Variants in CCNJL observed in about 807,000 individuals in gnomAD.
The protein encoded by CCNJL is cyclin J like.
CCNJL carries 33 observed loss-of-function variants against 33.4 expected under a neutral mutation model. That is an observed-to-expected ratio of 0.99 (90% CI 0.75 to 1.32). The LOEUF is 1.32. Ranked by LOEUF, CCNJL falls within the 40% of genes most tolerant of loss-of-function variation. The pLI is 0.00. For synonymous variants in CCNJL, 227 were observed against 220.9 expected, an observed-to-expected ratio of 1.03 and a Z score of -0.24; for missense variants, 512 against 499.7, an observed-to-expected ratio of 1.02 and a Z score of -0.23.
In CCNJL at chr5:160,251,769, G is replaced by A. The variant is rs553783154; in HGVS notation, c.*1609C>T. 147 of 152,210 alleles carry A rather than the reference G, an allele frequency of 9.7e-4. No individual in the cohort carries two copies. The highest frequency in any genetic ancestry group is 3.4e-3 in the African/African-American group (141 of 41,522). The allele number at this position is 152,210 out of a possible 1,614,324, so 9.4% of individuals were successfully genotyped here. A position where few individuals can be genotyped will look rare whatever the true frequency, so the allele number is the denominator to read the frequency against. ...CCAGAACAGACAGATACAAGAACTTGAATCCAAACTGCTTGCACATAAATA... is the reference window on the plus strand; with the variant it reads ...CCAGAACAGACAGATACAAGAACTTAAATCCAAACTGCTTGCACATAAATA... On this transcript the variant is annotated 3_prime_UTR_variant, in exon 6 of 6. Coordinates refer to ENST00000257536, the MANE Select transcript of CCNJL (RefSeq NM_001308173.3).
intron 2 of CCNJL, among the ~76,000 whole-genome samples, chr5:160,284,715 T>C (rs186533253): frequency 6.6e-6 from 1 of 152,352 alleles, no homozygotes; most frequent in African/African-American, 2.4e-5. Flanking sequence ...TCCTAGAGCT[T>C]TGCTCATGGA....
chr5:160,295,474 C>T (rs1012344267), intron 2 of CCNJL, among the ~76,000 whole-genome samples: 4 of 152,062 alleles, frequency 2.6e-5, no homozygotes, highest in African/African-American at 4.8e-5. Context: ...GGCGACAGAG[C>T]GAGACTCTGT....
chr5:160,268,147 C>T (rs10059499), intron 3 of CCNJL, among the ~76,000 whole-genome samples: 15,723 of 152,232 alleles, frequency 0.1, 1,128 homozygotes, highest in South Asian at 0.24. Context: ...ACTGCTCATA[C>T]GCCCAGCAGA....
chr5:160,258,275 C>G (rs1561771509), intron 4 of CCNJL: 1 of 714,570 alleles, frequency 1.4e-6, no homozygotes, highest in Non-Finnish European at 2.6e-6. Flanking sequence ...AAGGCTGTTG[C>G]AGCATCAGGC....
At chr5:160,331,138 T>G (rs1399988273) in intron 1 of CCNJL, among the ~76,000 whole-genome samples, 3 of 152,034 alleles carry the variant, frequency 2.0e-5, no homozygotes, top group African/African-American at 7.2e-5. Context: ...ACTTATCACT[T>G]GCCATCTTTC....
chr5:160,318,018 T>C (rs954361086), intron 1 of CCNJL, among the ~76,000 whole-genome samples: 1 of 150,916 alleles, frequency 6.6e-6, no homozygotes, highest in Non-Finnish European at 1.5e-5. Flanking sequence ...TCTTCTTCTT[T>C]TTTTGTTTTT....
At chr5:160,318,337 C>T (rs1262940046) in intron 1 of CCNJL, among the ~76,000 whole-genome samples, 1 of 152,120 alleles carries the variant, frequency 6.6e-6, no homozygotes, top group Non-Finnish European at 1.5e-5. Context: ...ACAAGGACAC[C>T]GGTCATATTG....
intron 3 of CCNJL, among the ~76,000 whole-genome samples, chr5:160,271,299 C>T (rs1761825374): frequency 6.6e-6 from 1 of 152,058 alleles, no homozygotes; most frequent in South Asian, 2.1e-4. Flanking sequence ...CTCCTGAACA[C>T]CGCATGTTCA....
intron 2 of CCNJL, among the ~76,000 whole-genome samples, chr5:160,294,259 G>A (rs556505041): frequency 1.4e-4 from 21 of 152,312 alleles, no homozygotes; most frequent in Non-Finnish European, 2.6e-4. Context: ...AGCATTTTCC[G>A]TAAAGCATCA....
chr5:160,264,659 A>G (rs1388974437), intron 3 of CCNJL, among the ~76,000 whole-genome samples: 3 of 152,028 alleles, frequency 2.0e-5, no homozygotes, highest in Non-Finnish European at 4.4e-5. Flanking sequence ...AGCCATCACC[A>G]CCATCCCTCT....
intron 1 of CCNJL, among the ~76,000 whole-genome samples, chr5:160,318,001 T>G (rs1275012428): frequency 6.6e-6 from 1 of 151,804 alleles, no homozygotes; most frequent in African/African-American, 2.4e-5. Context: ...TCACGTAGTC[T>G]TCTTTTTCTT....
intron 2 of CCNJL, among the ~76,000 whole-genome samples, chr5:160,310,886 C>A (rs1294675498): frequency 6.6e-6 from 1 of 152,172 alleles, no homozygotes; most frequent in Non-Finnish European, 1.5e-5. Flanking sequence ...TTCTCTAGAG[C>A]CTTTTGAGAG....
chr5:160,264,094 C>G (rs901295525), intron 3 of CCNJL, among the ~76,000 whole-genome samples: 4 of 152,048 alleles, frequency 2.6e-5, no homozygotes, highest in Non-Finnish European at 1.5e-5. Context: ...TATAGGCACA[C>G]GCCACCACAC....
At chr5:160,260,444 G>T (rs116481682) in intron 3 of CCNJL, among the ~76,000 whole-genome samples, 11 of 152,094 alleles carry the variant, frequency 7.2e-5, no homozygotes, top group Non-Finnish European at 1.5e-4. Context: ...TGGACAACCC[G>T]AGCTTAATCC....
At chr5:160,254,026 G>A in intron 5 of CCNJL, 1 of 473,518 alleles carries the variant, frequency 2.1e-6, no homozygotes, top group Non-Finnish European at 3.7e-6. Context: ...ATTTCTTCTG[G>A]CCCCTCCAGA....
At chr5:160,325,745 C>T (rs189858162) in intron 1 of CCNJL, among the ~76,000 whole-genome samples, 4 of 152,148 alleles carry the variant, frequency 2.6e-5, no homozygotes, top group Admixed American at 2.6e-4. Flanking sequence ...CATAAAAATC[C>T]TGATTTTCAT....
At chr5:160,260,821 T>A (rs1761295576) in intron 3 of CCNJL, among the ~76,000 whole-genome samples, 1 of 152,126 alleles carries the variant, frequency 6.6e-6, no homozygotes, top group East Asian at 1.9e-4. Context: ...CAGCCAACCC[T>A]GACCTGTCCT....
intron 3 of CCNJL, chr5:160,276,210 C>T: frequency 6.6e-6 from 1 of 151,110 alleles, no homozygotes; most frequent in Middle Eastern, 1.8e-3. Context: ...ACCTGGCCAA[C>T]ATGGTGAAAC....
At chr5:160,325,608 C>T (rs181931722) in intron 1 of CCNJL, among the ~76,000 whole-genome samples, 1 of 152,200 alleles carries the variant, frequency 6.6e-6, no homozygotes, top group African/African-American at 2.4e-5. Flanking sequence ...TTCCACATGC[C>T]ATGGGTATTA....
Sources: gnomAD v4.1 joint callset for allele counts (sites outside exome capture counted in the v4.1 genomes callset) on GRCh38, gnomAD v4.1.1 for gene constraint, MANE v1.5 for transcripts, NCBI Gene and HGNC (gene_info 2026-07-23, HGNC 2026-07-21) for gene names.